The following GSE1 variants were observed in gnomAD, a reference collection of about 807,000 sequenced individuals.
GSE1 encodes Gse1 coiled-coil protein.
A neutral mutation model predicts 112.6 loss-of-function variants in GSE1; 32 were observed. The observed-to-expected ratio is 0.28, with a 90% CI of 0.21 to 0.38. The LOEUF is 0.38. Ranked by LOEUF, GSE1 falls within the 10% of genes least tolerant of loss-of-function variation. The pLI is 1.00. For synonymous variants in GSE1, 1,115 were observed against 735.6 expected (o/e 1.52, Z -8.35); for missense variants, 2,348 against 1,699.2 (o/e 1.38, Z -6.71).
rs751790935 is a variant in GSE1, at chr16:85,666,112, G to A, written c.2895G>A (p.Glu965=). The stretch of plus-strand genomic sequence containing the variant: ...CCCAGGAGCTGTCGAGAGTCCAGGA[G>A]CTAGCTCCTGCCAGCGGGGAGAAGG... ...VRPQELSRVQ[E]LAPASGEKAR... Residue 965 remains glutamate, a synonymous_variant, in exon 13 of 16, where the codon GAG becomes GAA. Transcript: ENST00000253458. 3.7e-6 allele frequency: 6 copies of A among 1,613,258 alleles called. No individual in the cohort carries two copies. The East Asian group carries it at 1.1e-4, about 30-fold the overall frequency.
At chr16:85,380,887 T>C (rs568935022) in intron 2 of GSE1, among the ~76,000 whole-genome samples, 3 of 152,322 alleles carry the variant, frequency 2.0e-5, no homozygotes, top group South Asian at 2.1e-4. Context: ...CCAGTGGGCA[T>C]GGGAACGCGG....
At chr16:85,425,862 C>G (rs191267006) in intron 2 of GSE1, among the ~76,000 whole-genome samples, 2 of 152,226 alleles carry the variant, frequency 1.3e-5, no homozygotes, top group African/African-American at 4.8e-5. Context: ...TGAGACCTCA[C>G]AATATCATCC....
At chr16:85,580,669 G>A (rs1369037828) in intron 1 of GSE1, among the ~76,000 whole-genome samples, 2 of 152,220 alleles carry the variant, frequency 1.3e-5, no homozygotes, top group Non-Finnish European at 2.9e-5. Context: ...TGGAAGCCCC[G>A]ACCCTCAGGG....
At chr16:85,212,418 A>C (rs1056273117) in intron 1 of GSE1, among the ~76,000 whole-genome samples, 3 of 152,130 alleles carry the variant, frequency 2.0e-5, no homozygotes, top group African/African-American at 7.2e-5. Flanking sequence ...AAAAAACAAA[A>C]CAAAAAAACA....
intron 1 of GSE1, among the ~76,000 whole-genome samples, chr16:85,565,127 CA>C (rs1217694489): frequency 1.3e-5 from 2 of 152,134 alleles, no homozygotes; most frequent in African/African-American, 2.4e-5. Context: ...CACGGTGCCT[CA>C]CGCCTGTTAT....
chr16:85,170,394 C>A, exon 1 of GSE1: 1 of 985,516 alleles, frequency 1.0e-6, no homozygotes, highest in Non-Finnish European at 1.2e-6. Context: ...CCCCTGCAGA[C>A]GGCATGAAAG....
intron 1 of GSE1, among the ~76,000 whole-genome samples, chr16:85,303,540 G>GA (rs1437512875): frequency 6.6e-6 from 1 of 152,228 alleles, no homozygotes; most frequent in Non-Finnish European, 1.5e-5. Flanking sequence ...TCGCTCATTG[G>GA]ACCTTCCCGA....
chr16:85,529,291 A>T (rs2052469941), intron 2 of GSE1, among the ~76,000 whole-genome samples: 1 of 152,210 alleles, frequency 6.6e-6, no homozygotes, highest in Admixed American at 6.5e-5. Flanking sequence ...GCAAGCGAGC[A>T]GCGGCCCAGG....
At chr16:85,267,753 C>G (rs1908405504) in intron 1 of GSE1, among the ~76,000 whole-genome samples, 1 of 152,172 alleles carries the variant, frequency 6.6e-6, no homozygotes, top group Non-Finnish European at 1.5e-5. Context: ...TCAAAACCCA[C>G]TGCAGGCAAA....
chr16:85,610,921 A>G (rs556284993), upstream of GSE1, among the ~76,000 whole-genome samples: 397 of 152,346 alleles, frequency 2.6e-3, no homozygotes, highest in Admixed American at 6.1e-3. Context: ...GGCTCTAAAA[A>G]GCCGAGTGAT....
chr16:85,635,069 G>A (rs887811880), intron 2 of GSE1, among the ~76,000 whole-genome samples: 3 of 152,214 alleles, frequency 2.0e-5, no homozygotes, highest in African/African-American at 7.2e-5. Context: ...ACATGCAGGA[G>A]CCATGTCCGT....
At chr16:85,356,608 A>G (rs1237985942) in intron 1 of GSE1, among the ~76,000 whole-genome samples, 2 of 152,222 alleles carry the variant, frequency 1.3e-5, no homozygotes, top group Admixed American at 6.5e-5. Context: ...TTCTCCTGCA[A>G]TAAATGAAGA....
upstream of GSE1, among the ~76,000 whole-genome samples, chr16:85,608,076 G>A (rs780559646): frequency 6.6e-6 from 1 of 152,234 alleles, no homozygotes; most frequent in Non-Finnish European, 1.5e-5. Context: ...GAATTCCAGA[G>A]GCAGGGATGG....
rs1459662403 is a variant in GSE1, at chr16:85,663,577, C to G, written c.2607C>G (p.Ile869Met). 6.2e-7 allele frequency: 1 copy of G among 1,614,004 alleles called. No homozygotes were observed. Among genetic ancestry groups the G allele is most frequent in the Non-Finnish European group, 8.5e-7 (1 of 1,180,032 alleles). ...AAGAAAAGAAGAAGTTCCTGACCAT[C>G]TTCAACCTGACCCACATCAGCGCTG... ...NFEEKKKFLT[I>M]FNLTHISAEK... is the part of the protein sequence containing the mutation. The change falls in exon 11 of 16, where the codon ATC becomes ATG. Residue 869 changes from isoleucine to methionine, a missense_variant. Coordinates refer to ENST00000253458, the MANE Select transcript of GSE1 (RefSeq NM_014615.5).
At chr16:85,637,547 G>A (rs61739234) in intron 2 of GSE1, among the ~76,000 whole-genome samples, 3,991 of 151,946 alleles carry the variant, frequency 0.026, 151 homozygotes, top group African/African-American at 0.081. Flanking sequence ...CCTTGATCGC[G>A]GCAGTGGCTG....
intron 2 of GSE1, among the ~76,000 whole-genome samples, chr16:85,550,446 C>T (rs2151234174): frequency 6.6e-6 from 1 of 152,300 alleles, no homozygotes; most frequent in Non-Finnish European, 1.5e-5. Flanking sequence ...GAAGCATCAG[C>T]TGGTATTATT....
intron 2 of GSE1, among the ~76,000 whole-genome samples, chr16:85,364,496 T>G (rs1345396020): frequency 6.6e-6 from 1 of 152,242 alleles, no homozygotes; most frequent in African/African-American, 2.4e-5. Context: ...TAAAGTCAGC[T>G]GCATTAGTCA....
Position 85,665,205 on chromosome 16 carries a change from A to T in GSE1, c.2758+77A>T, listed in dbSNP as rs1014754377. ...GCCCAGGCTCAGAGGCGACCACTCG[A>T]GGTCTTCATCATTGTGAATGTGGCC... On this transcript the variant is annotated intron_variant, in intron 12 of 15. Coordinates refer to ENST00000253458, the MANE Select transcript of GSE1 (RefSeq NM_014615.5). 1.3e-4 allele frequency: 105 copies of T among 797,002 alleles called. No homozygotes were observed. In the Admixed American group the frequency reaches 2.0e-3, roughly 15 times the overall value. The allele number at this position is 797,002 out of a possible 1,614,324, so 49.4% of individuals were successfully genotyped here.
intron 2 of GSE1, among the ~76,000 whole-genome samples, chr16:85,494,340 T>C (rs2051102978): frequency 6.6e-6 from 1 of 152,206 alleles, no homozygotes; most frequent in African/African-American, 2.4e-5. Flanking sequence ...GCTTTGAGTG[T>C]CTTCTTGTAA....
Sources: allele counts gnomAD v4.1 joint callset (sites outside exome capture counted in the v4.1 genomes callset), GRCh38; gene constraint gnomAD v4.1.1; transcripts MANE v1.5; gene names NCBI Gene and HGNC (gene_info 2026-07-23, HGNC 2026-07-21).